Variants in SMYD3 observed in about 807,000 individuals in gnomAD.
The protein encoded by SMYD3 is histone-lysine N-methyltransferase SMYD3.
Under a neutral mutation model 57.7 loss-of-function variants are expected in SMYD3, and 36 were observed. The observed-to-expected ratio is 0.62, with a 90% confidence interval of 0.48 to 0.82. SMYD3 has a LOEUF of 0.82. Among genes scored for constraint, SMYD3 ranks in the 40% least tolerant of loss-of-function variants. The probability of loss-of-function intolerance (pLI) is 0.00; values close to 1 mark genes in which losing one functional copy is unlikely to be tolerated. For missense variants in SMYD3, 515 were observed against 538.8 expected, an observed-to-expected ratio of 0.96 and a Z score of 0.44; for synonymous variants, 211 against 195.0, an observed-to-expected ratio of 1.08 and a Z score of -0.68.
chr1:246,167,618 C>T (rs1558283672), intron 5 of SMYD3, among the ~76,000 whole-genome samples: 1 of 151,022 alleles, frequency 6.6e-6, no homozygotes, highest in African/African-American at 2.4e-5. Flanking sequence ...TCAAGCGATT[C>T]TCCTGCCTCG....
chr1:246,010,165 G>A (rs1048356639), intron 5 of SMYD3, among the ~76,000 whole-genome samples: 2 of 151,486 alleles, frequency 1.3e-5, no homozygotes, highest in Admixed American at 1.3e-4. Flanking sequence ...AGTAGAAATT[G>A]TGTTTGTGAA....
intron 1 of SMYD3, among the ~76,000 whole-genome samples, chr1:246,450,228 T>C (rs979229935): frequency 6.6e-6 from 1 of 151,160 alleles, no homozygotes; most frequent in Non-Finnish European, 1.5e-5. Context: ...GAGGCGGAGG[T>C]TGAGGTGAGC....
At chr1:245,997,981 A>G (rs1286366543) in intron 5 of SMYD3, among the ~76,000 whole-genome samples, 1 of 152,190 alleles carries the variant, frequency 6.6e-6, no homozygotes, top group Non-Finnish European at 1.5e-5. Context: ...TTCTGATCCC[A>G]CTGAGAGGCT....
intron 5 of SMYD3, among the ~76,000 whole-genome samples, chr1:246,182,847 A>C (rs1187299513): frequency 6.6e-6 from 1 of 152,034 alleles, no homozygotes; most frequent in Non-Finnish European, 1.5e-5. Flanking sequence ...CATTGCTCAA[A>C]CCTAAATCCT....
intron 5 of SMYD3, among the ~76,000 whole-genome samples, chr1:246,043,616 T>C (rs540228009): frequency 6.6e-6 from 1 of 152,344 alleles, no homozygotes; most frequent in Admixed American, 6.5e-5. Flanking sequence ...TGGTGAAGAA[T>C]CAGTGGTGAC....
intron 5 of SMYD3, among the ~76,000 whole-genome samples, chr1:246,290,696 G>T (rs2064672677): frequency 2.6e-5 from 4 of 152,056 alleles, no homozygotes; most frequent in Admixed American, 2.6e-4. Context: ...CTCTCACAAT[G>T]AACTGAAAAA....
intron 1 of SMYD3, among the ~76,000 whole-genome samples, chr1:246,399,033 T>C (rs932040503): frequency 6.6e-6 from 1 of 152,200 alleles, no homozygotes; most frequent in Non-Finnish European, 1.5e-5. Flanking sequence ...TCTTATTTAT[T>C]TGTTTTGAGA....
At chr1:245,791,218 A>G (rs1315904847) in intron 10 of SMYD3, among the ~76,000 whole-genome samples, 2 of 152,162 alleles carry the variant, frequency 1.3e-5, no homozygotes, top group Non-Finnish European at 2.9e-5. Context: ...CCTATACTAA[A>G]CTACTCTGGG....
intron 10 of SMYD3, among the ~76,000 whole-genome samples, chr1:245,824,150 A>G (rs1015387252): frequency 3.9e-5 from 6 of 152,178 alleles, no homozygotes; most frequent in Non-Finnish European, 7.3e-5. Context: ...AATCTTCCCC[A>G]AAGTAGGGAA....
At chr1:246,267,988 G>A (rs2064143309) in intron 5 of SMYD3, among the ~76,000 whole-genome samples, 1 of 152,128 alleles carries the variant, frequency 6.6e-6, no homozygotes, top group African/African-American at 2.4e-5. Context: ...TCCCAGGTGT[G>A]CAGTAGTGTA....
Position 245,817,791 on chromosome 1 carries a change from G to C in SMYD3, c.1076+40705C>G, listed in dbSNP as rs371362989. Among the ~76,000 whole-genome samples, 648 of 152,264 alleles carry C rather than the reference G, an allele frequency of 4.3e-3. 8 individuals carry two copies. The highest frequency in any genetic ancestry group is 0.014 in the East Asian group (70 of 5,182). On this transcript the variant is annotated intron_variant, in intron 10 of 11. Transcript: ENST00000490107. Reference sequence around the variant, plus strand: ...CCGATGTGATCAACTGGAAGAAAGGGTATCAGTGATGGAAGATGAAATGAA... The same window carrying C: ...CCGATGTGATCAACTGGAAGAAAGGCTATCAGTGATGGAAGATGAAATGAA...
At chr1:246,274,877 G>A (rs558722864) in intron 5 of SMYD3, among the ~76,000 whole-genome samples, 24 of 152,200 alleles carry the variant, frequency 1.6e-4, no homozygotes, top group Non-Finnish European at 3.4e-4. Flanking sequence ...ACCGGGGTCA[G>A]TACCAGGACA....
At chr1:246,205,371 T>C (rs1300319560) in intron 5 of SMYD3, among the ~76,000 whole-genome samples, 3 of 152,204 alleles carry the variant, frequency 2.0e-5, no homozygotes, top group Admixed American at 6.5e-5. Flanking sequence ...GTCTCCCTCC[T>C]GGAGTCCTTT....
chr1:246,080,875 G>A (rs2060627752), intron 5 of SMYD3, among the ~76,000 whole-genome samples: 1 of 152,118 alleles, frequency 6.6e-6, no homozygotes, highest in East Asian at 1.9e-4. Flanking sequence ...ACAACACTAG[G>A]TAGTCAACAG....
intron 1 of SMYD3, among the ~76,000 whole-genome samples, chr1:246,503,954 TAAAAAAAA>T (rs55709330): frequency 2.8e-4 from 36 of 128,376 alleles, no homozygotes; most frequent in East Asian, 4.4e-4. Context: ...AACTCCATCT[TAAAAAAAA>T]AAAAAAAAAA....
chr1:245,954,359 G>A (rs2057761354), intron 5 of SMYD3, among the ~76,000 whole-genome samples: 1 of 152,156 alleles, frequency 6.6e-6, no homozygotes, highest in Non-Finnish European at 1.5e-5. Context: ...AAGAAAAACA[G>A]GAAGAAAAGG....
intron 5 of SMYD3, among the ~76,000 whole-genome samples, chr1:245,931,162 G>T (rs2056693482): frequency 6.6e-6 from 1 of 152,170 alleles, no homozygotes; most frequent in African/African-American, 2.4e-5. Context: ...TGGATTTTGA[G>T]CCAAGGCATG....
intron 11 of SMYD3, among the ~76,000 whole-genome samples, chr1:245,763,681 G>A (rs1046635686): frequency 2.0e-5 from 3 of 152,158 alleles, no homozygotes; most frequent in African/African-American, 7.2e-5. Context: ...GTGTTCCGTG[G>A]GCAATGGGGA....
At chr1:246,274,088 A>C (rs1293313842) in intron 5 of SMYD3, among the ~76,000 whole-genome samples, 3 of 152,214 alleles carry the variant, frequency 2.0e-5, no homozygotes, top group Non-Finnish European at 4.4e-5. Context: ...CCTCAGATTC[A>C]TAACTGCATG....
Sources: allele counts gnomAD v4.1 joint callset (sites outside exome capture counted in the v4.1 genomes callset), GRCh38; gene constraint gnomAD v4.1.1; transcripts MANE v1.5; gene names NCBI Gene and HGNC (gene_info 2026-07-23, HGNC 2026-07-21).